DNAAF11: variants seen among roughly 807,000 people sequenced by gnomAD.
The protein encoded by DNAAF11 is dynein axonemal assembly factor 11.
In DNAAF11, 45 loss-of-function variants were observed where a neutral mutation model predicts 60.8. The observed-to-expected ratio is 0.74, with a 90% CI of 0.58 to 0.95. The LOEUF is 0.95. Among genes scored for constraint, DNAAF11 ranks in the 40% least tolerant of loss-of-function variants. The probability of loss-of-function intolerance (pLI) is 0.00; values close to 1 mark genes in which losing one functional copy is unlikely to be tolerated. For synonymous variants in DNAAF11, 191 were observed against 183.5 expected, an observed-to-expected ratio of 1.04 and a Z score of -0.33; for missense variants, 546 against 546.2, an observed-to-expected ratio of 1.00 and a Z score of 0.00.
intron 1 of DNAAF11, among the ~76,000 whole-genome samples, chr8:132,672,311 T>G (rs1825264276): frequency 6.6e-6 from 1 of 152,168 alleles, no homozygotes; most frequent in African/African-American, 2.4e-5. Context: ...CACACCAGAT[T>G]AAATGCACAG....
At chr8:132,682,889 G>A in the DNAAF11 span, among the ~76,000 whole-genome samples, 14 of 152,296 alleles carry the variant, frequency 9.2e-5, no homozygotes, top group African/African-American at 2.4e-5. Flanking sequence ...GGAAGCAAGA[G>A]AGACAAGGCT....
the DNAAF11 span, among the ~76,000 whole-genome samples, chr8:132,687,965 A>G: frequency 2.0e-5 from 3 of 152,202 alleles, no homozygotes; most frequent in Non-Finnish European, 4.4e-5. Flanking sequence ...AAGTTACTTC[A>G]TGTAAACAAT....
chr8:132,632,018 A>T (rs554636310), intron 5 of DNAAF11, among the ~76,000 whole-genome samples: 13 of 151,894 alleles, frequency 8.6e-5, no homozygotes, highest in African/African-American at 1.9e-4. Flanking sequence ...AGTATAATTT[A>T]AAAAAAAGTA....
chr8:132,608,930 C>G (rs185866324), intron 10 of DNAAF11, among the ~76,000 whole-genome samples: 1 of 152,068 alleles, frequency 6.6e-6, no homozygotes, highest in Admixed American at 6.6e-5. Flanking sequence ...CTACAGGAAA[C>G]GCAGAATTAT....
intron 10 of DNAAF11, among the ~76,000 whole-genome samples, chr8:132,604,565 T>C (rs1212645561): frequency 6.6e-6 from 1 of 152,212 alleles, no homozygotes; most frequent in African/African-American, 2.4e-5. Context: ...AATGACTTGA[T>C]GCAAGTGAAC....
chr8:132,601,203 C>A (rs534718328), intron 10 of DNAAF11, among the ~76,000 whole-genome samples: 2 of 152,172 alleles, frequency 1.3e-5, no homozygotes, highest in East Asian at 3.8e-4. Flanking sequence ...CAGATAAATG[C>A]AAATCAAAAC....
the DNAAF11 span, among the ~76,000 whole-genome samples, chr8:132,693,867 A>T: frequency 2.0e-5 from 3 of 152,180 alleles, no homozygotes; most frequent in Non-Finnish European, 2.9e-5. Flanking sequence ...TGAGTATTGG[A>T]TGAGGACAGA....
At position 132,622,705 on chromosome 8, in the gene DNAAF11, G is replaced by T. The variant is rs1328731142; in HGVS notation, c.837-17C>A. On this transcript the variant is annotated splice_polypyrimidine_tract_variant and intron_variant, in intron 6 of 11. Coordinates refer to ENST00000620350, the MANE Select transcript of DNAAF11 (RefSeq NM_012472.6). ...TTTTTTTCACTTAAGATTGGTGGTG[G>T]ATGAGAACAATGGGCAGCATGGAAA... is the stretch of plus-strand genomic sequence containing the variant. 7 of 1,566,370 alleles carry T rather than the reference G, an allele frequency of 4.5e-6. No homozygotes were observed. The highest frequency in any genetic ancestry group is 1.7e-4 in the Middle Eastern group (1 of 5,978).
In DNAAF11 at chr8:132,621,610, G is replaced by A. The variant is rs139470806; in HGVS notation, c.914+1001C>T. The stretch of plus-strand genomic sequence containing the variant: ...GGCTAAATAGAGACCGCCTAAAGTC[G>A]ATTTCTGAACTCCATGAGGTCAGAA... On this transcript the variant is annotated intron_variant, in intron 7 of 11. Transcript: ENST00000620350. Among the ~76,000 whole-genome samples the A allele has an allele frequency of 3.7e-3, 561 of 152,182 alleles. 7 individuals are homozygous for A. The highest frequency in any genetic ancestry group is 0.013 in the African/African-American group (540 of 41,516).
Position 132,625,662 on chromosome 8 carries a change from T to C in DNAAF11, c.654-208A>G, listed in dbSNP as rs148541777. 2.9e-4 allele frequency among the ~76,000 whole-genome samples: 44 copies of C among 152,300 alleles called. No individual in the cohort carries two copies. In the East Asian group the frequency reaches 6.4e-3, roughly 22 times the overall value. ...CCCAAGGCTGTTAGCACTCATTACA[T>C]TGAAAGGTTGAATAGGGCAGGCCTT... is the stretch of plus-strand genomic sequence containing the variant. On this transcript the variant is annotated intron_variant, in intron 5 of 11. Coordinates refer to ENST00000620350, the MANE Select transcript of DNAAF11 (RefSeq NM_012472.6).
intron 3 of DNAAF11, among the ~76,000 whole-genome samples, chr8:132,652,959 A>G (rs1823173562): frequency 6.6e-6 from 1 of 152,188 alleles, no homozygotes; most frequent in Admixed American, 6.5e-5. Flanking sequence ...GTACGGCCAA[A>G]ATAAAGAGTT....
At chr8:132,674,138 GGAGGAGGAA>G (rs1328536073) in intron 1 of DNAAF11, among the ~76,000 whole-genome samples, 2 of 132,160 alleles carry the variant, frequency 1.5e-5, no homozygotes, top group Admixed American at 7.3e-5. Context: ...AGGAGGAGAA[GGAGGAGGAA>G]GAGGAGGAGG....
intron 10 of DNAAF11, among the ~76,000 whole-genome samples, chr8:132,588,016 C>T (rs1228956355): frequency 6.6e-6 from 1 of 152,122 alleles, no homozygotes; most frequent in African/African-American, 2.4e-5. Context: ...GTTACTCATA[C>T]CAAGAAACAT....
chr8:132,575,468 G>A (rs1814644576), intron 11 of DNAAF11, among the ~76,000 whole-genome samples: 2 of 152,284 alleles, frequency 1.3e-5, no homozygotes, highest in Middle Eastern at 3.4e-3. Context: ...ATCAGTGCTA[G>A]GAATTTAAAG....
chr8:132,661,667 T>C (rs771918643), intron 1 of DNAAF11, 40 bp from the exon 2 acceptor site: 52 of 1,572,244 alleles, frequency 3.3e-5, no homozygotes, highest in Non-Finnish European at 3.2e-5. Context: ...TCTGTCCCCA[T>C]TGTTCAATAT....
At chr8:132,610,648 T>C (rs190100755) in intron 9 of DNAAF11, among the ~76,000 whole-genome samples, 14 of 152,328 alleles carry the variant, frequency 9.2e-5, no homozygotes, top group East Asian at 1.9e-4. Context: ...AATGAAATCA[T>C]TGACAACTTA....
intron 10 of DNAAF11, among the ~76,000 whole-genome samples, chr8:132,594,566 C>T (rs1204108503): frequency 2.0e-5 from 3 of 152,090 alleles, no homozygotes; most frequent in Non-Finnish European, 4.4e-5. Flanking sequence ...AAGGAGGGAC[C>T]TGTAATCCCC....
chr8:132,638,914 A>G (rs905527794), intron 3 of DNAAF11, among the ~76,000 whole-genome samples: 1 of 152,210 alleles, frequency 6.6e-6, no homozygotes, highest in African/African-American at 2.4e-5. Context: ...TACAAGTTCA[A>G]GTGCTTCCTC....
chr8:132,610,081 G>T, intron 10 of DNAAF11, 85 bp downstream of exon 10: 1 of 898,424 alleles, frequency 1.1e-6, no homozygotes, highest in Non-Finnish European at 1.8e-6. Flanking sequence ...ACTTTAATCA[G>T]AAGTCATCAT....
Sources: allele counts gnomAD v4.1 joint callset (sites outside exome capture counted in the v4.1 genomes callset), GRCh38; gene constraint gnomAD v4.1.1; transcripts MANE v1.5; gene names NCBI Gene and HGNC (gene_info 2026-07-23, HGNC 2026-07-21).